Variants in HARBI1 observed in about 807,000 individuals in gnomAD.
HARBI1 encodes putative nuclease HARBI1.
Under a neutral mutation model 25.3 loss-of-function variants are expected in HARBI1, and 15 were observed. That is an observed-to-expected ratio of 0.59 (90% CI 0.40 to 0.91). HARBI1 has a LOEUF of 0.91. HARBI1 is among the 40% of genes least tolerant of loss of function. The pLI, the probability that HARBI1 is intolerant of heterozygous loss-of-function variation, is 0.00. For synonymous variants in HARBI1, 168 were observed against 160.5 expected, an observed-to-expected ratio of 1.05 and a Z score of -0.35; for missense variants, 396 against 445.8, an observed-to-expected ratio of 0.89 and a Z score of 1.01.
Position 46,603,828 on chromosome 11 carries a change from A to G in HARBI1, c.752T>C (p.Met251Thr). The G allele has an allele frequency of 6.2e-7, 1 of 1,614,180 alleles. No individual in the cohort carries two copies. The highest frequency in any genetic ancestry group is 8.5e-7 in the Non-Finnish European group (1 of 1,180,028). Reference sequence around the variant, plus strand: ...CACACTGTGAGTTGCAGAATGGGCCATGTTATAGCGATATTCTGCTGGAGT... The same window carrying G: ...CACACTGTGAGTTGCAGAATGGGCCGTGTTATAGCGATATTCTGCTGGAGT... Reference protein sequence around the residue: ...PETPAEYRYNMAHSATHSVIE... With the variant: ...PETPAEYRYNTAHSATHSVIE... Residue 251 changes from methionine to threonine, a missense_variant, in exon 3 of 3, where the codon ATG becomes ACG. Physicochemically the swap from Met to Thr is moderately conservative, Grantham distance 81. Coordinates refer to ENST00000326737, the MANE Select transcript of HARBI1 (RefSeq NM_173811.4).
Position 46,612,267 on chromosome 11 carries a change from A to G in HARBI1, c.670+3301T>C, listed in dbSNP as rs545824451. 2.6e-5 allele frequency among the ~76,000 whole-genome samples: 4 copies of G among 152,310 alleles called. No individual in the cohort carries two copies. The South Asian group carries it at 8.3e-4, about 32-fold the overall frequency. On this transcript the variant is annotated intron_variant, in intron 2 of 2. Transcript: ENST00000326737. ...GGATTGCTTGAGACCAGCCTGGGCA[A>G]CATAACAAGACCCAATCTCAAAAAA...
At chr11:46,607,299 A>G (rs900686128) in intron 2 of HARBI1, among the ~76,000 whole-genome samples, 3 of 151,906 alleles carry the variant, frequency 2.0e-5, no homozygotes, top group Non-Finnish European at 2.9e-5. Context: ...TTATTATGCA[A>G]TCCCAACTCT....
chr11:46,604,462 G>C (rs2044863566), intron 2 of HARBI1: 1 of 946,296 alleles, frequency 1.1e-6, no homozygotes, highest in Admixed American at 6.2e-5. Context: ...TTAATAAAAG[G>C]CTTAATAAAA....
intron 1 of HARBI1, chr11:46,616,652 T>C: frequency 3.0e-6 from 3 of 1,004,634 alleles, no homozygotes; most frequent in Non-Finnish European, 3.6e-6. Context: ...ACATAATTAT[T>C]CACAAGGTAA....
intron 1 of HARBI1, 117 bp from the exon 2 acceptor site, chr11:46,616,498 C>G (rs995264640): frequency 2.4e-6 from 3 of 1,262,346 alleles, no homozygotes. Context: ...ACGTACTGTA[C>G]TTACAACTCC....
chr11:46,607,039 C>T (rs1450854349), intron 2 of HARBI1, among the ~76,000 whole-genome samples: 3 of 152,096 alleles, frequency 2.0e-5, no homozygotes, highest in South Asian at 2.1e-4. Flanking sequence ...CTAAGGCAGG[C>T]GGATCACCTG....
At chr11:46,616,444 T>G in intron 1 of HARBI1, 63 bp from the exon 2 acceptor site, 1 of 1,384,690 alleles carries the variant, frequency 7.2e-7, no homozygotes, top group Non-Finnish European at 9.3e-7. Flanking sequence ...ACTCAAAGGC[T>G]GGAGCAGCTC....
intron 2 of HARBI1, among the ~76,000 whole-genome samples, chr11:46,608,485 C>T (rs1188722602): frequency 2.0e-5 from 3 of 152,112 alleles, no homozygotes; most frequent in Non-Finnish European, 2.9e-5. Flanking sequence ...CTCTCTGTTG[C>T]CCAGACTGGA....
chr11:46,608,391 C>G (rs1054383609), intron 2 of HARBI1, among the ~76,000 whole-genome samples: 1 of 152,134 alleles, frequency 6.6e-6, no homozygotes, highest in Non-Finnish European at 1.5e-5. Context: ...TGCCAATCTT[C>G]CCATAATTAC....
chr11:46,603,461 T>C lies in HARBI1; in HGVS notation c.*69A>G, dbSNP rs2044828338. On this transcript the variant is annotated 3_prime_UTR_variant, in exon 3 of 3. Coordinates refer to ENST00000326737, the MANE Select transcript of HARBI1 (RefSeq NM_173811.4). ...TCAGTCATGCTAGATGATGGAACTG[T>C]GTAAAAGGTGATGAGGAGGAAAGTC... 1 of 1,324,108 alleles carries C rather than the reference T, an allele frequency of 7.6e-7. No individual in the cohort carries two copies. The highest frequency in any genetic ancestry group is 2.3e-5 in the East Asian group (1 of 43,142). 82.0% of individuals were successfully genotyped at this position (1,324,108 alleles called of 1,614,324 possible).
At chr11:46,614,973 C>T (rs545383129) in intron 2 of HARBI1, among the ~76,000 whole-genome samples, 19 of 152,216 alleles carry the variant, frequency 1.2e-4, no homozygotes, top group African/African-American at 4.6e-4. Context: ...AGTGCACTGG[C>T]GCGATCTTGG....
chr11:46,617,780 A>G (rs1021600369), upstream of HARBI1: 17 of 399,120 alleles, frequency 4.3e-5, 1 homozygote, highest in Admixed American at 3.5e-4. Context: ...GTGTACGGTC[A>G]CTGCAGCTCC....
At chr11:46,615,416 C>T (rs1264662399) in intron 2 of HARBI1, 152 bp downstream of exon 2, 3 of 650,326 alleles carry the variant, frequency 4.6e-6, no homozygotes, top group Non-Finnish European at 8.1e-6. Flanking sequence ...CAAGATTTCA[C>T]CATGTTGGCC....
chr11:46,617,538 T>TCCCCC (rs1418857951), upstream of HARBI1: 3 of 204,600 alleles, frequency 1.5e-5, no homozygotes, highest in African/African-American at 1.0e-4. Flanking sequence ...TAGCCCTCTT[T>TCCCCC]CACCCCCCCC....
chr11:46,616,551 C>G, intron 1 of HARBI1, 170 bp from the exon 2 acceptor site: 2 of 1,115,036 alleles, frequency 1.8e-6, no homozygotes, highest in Non-Finnish European at 2.2e-6. Context: ...CAGGCTTGCT[C>G]TGATTCAAGG....
chr11:46,609,850 A>AT (rs750558478), intron 2 of HARBI1, among the ~76,000 whole-genome samples: 10,465 of 124,924 alleles, frequency 0.084, 641 homozygotes, highest in South Asian at 0.14. Context: ...AAATAAAAGA[A>AT]TTTTTTTTTT....
At chr11:46,616,452 C>T in intron 1 of HARBI1, 71 bp from the exon 2 acceptor site, 1 of 1,370,844 alleles carries the variant, frequency 7.3e-7, no homozygotes, top group Non-Finnish European at 9.4e-7. Flanking sequence ...GCTGGAGCAG[C>T]TCCTTTTCTA....
rs1226205768 is a variant in HARBI1 at position 46,615,929 on chromosome 11, A to G, written c.309T>C (p.Cys103=). The G allele has an allele frequency of 1.9e-6, 3 of 1,614,224 alleles. No individual in the cohort carries two copies. The highest frequency in any genetic ancestry group is 3.3e-5 in the Admixed American group (2 of 60,014). Residue 103 remains cysteine, a synonymous_variant, in exon 2 of 3, where the codon TGT becomes TGC. Transcript: ENST00000326737. ...IGISQASMSR[C]VANVTEALVE... ...CAAGTGCTTCAGTGACATTGGCAAC[A>G]CAACGACTCATAGACGCCTGACTGA...
rs751559458 is a variant in HARBI1, at chr11:46,603,877, T to C, written c.703A>G (p.Met235Val). ...GTTTCAGGAATGTGAAGTGGGGTCA[T>C]GAGCCAGGTTCGAAGAAAGAAGGAA... ...DSSFFLRTWL[M>V]TPLHIPETPA... is the part of the protein sequence containing the mutation. The change falls in exon 3 of 3, where the codon ATG becomes GTG. Residue 235 changes from methionine to valine, a missense_variant. Met to Val is a conservative substitution (Grantham distance 21, BLOSUM62 1). Transcript: ENST00000326737. 6.2e-7 allele frequency: 1 copy of C among 1,613,248 alleles called. No homozygotes were observed. The highest frequency in any genetic ancestry group is 2.2e-5 in the East Asian group (1 of 44,862).
Sources: allele counts gnomAD v4.1 joint callset (sites outside exome capture counted in the v4.1 genomes callset), GRCh38; gene constraint gnomAD v4.1.1; transcripts MANE v1.5; gene names NCBI Gene and HGNC (gene_info 2026-07-23, HGNC 2026-07-21).